ADPRHL1: variants seen among roughly 807,000 people sequenced by gnomAD.
ADPRHL1 encodes the protein ADP-ribosylhydrolase like 1.
A neutral mutation model predicts 44.1 loss-of-function variants in ADPRHL1; 43 were observed. The observed-to-expected ratio is 0.98, with a 90% CI of 0.76 to 1.26. The LOEUF (loss-of-function observed/expected upper bound fraction) is 1.26, where lower values mean the gene tolerates loss of function less well. Ranked by LOEUF, ADPRHL1 falls within the 50% of genes most tolerant of loss-of-function variation. The pLI is 0.00. For missense variants in ADPRHL1, 2,022 were observed against 2,496.9 expected, an observed-to-expected ratio of 0.81 and a Z score of 4.05; for synonymous variants, 878 against 1,017.4, an observed-to-expected ratio of 0.86 and a Z score of 2.61.
chr13:113,428,071 C>T (rs1042833085), intron 4 of ADPRHL1, among the ~76,000 whole-genome samples: 10 of 152,132 alleles, frequency 6.6e-5, no homozygotes, highest in Admixed American at 1.3e-4. Flanking sequence ...GGTGAAACCC[C>T]GTCTCTACTA....
chr13:113,447,027 T>C (rs12019926), intron 1 of ADPRHL1, among the ~76,000 whole-genome samples: 5,320 of 85,126 alleles, frequency 0.062, 2 homozygotes, highest in African/African-American at 0.15. Context: ...GTGTTGTGTG[T>C]GTATGGTGTC....
At position 113,441,043 on chromosome 13, in the gene ADPRHL1, C is replaced by T. The variant is rs1279653013; in HGVS notation, c.379+3382G>A. Among the ~76,000 whole-genome samples the T allele has an allele frequency of 1.3e-5, 2 of 151,974 alleles. No homozygotes were observed. The highest frequency in any genetic ancestry group is 2.9e-5 in the Non-Finnish European group (2 of 67,972). ...TGGTGGGCGCCCGTAGTCCCAGCTA[C>T]TTGGGAGGTGGAGGCAGGAGAATCA... On this transcript the variant is annotated intron_variant, in intron 2 of 7. Coordinates refer to ENST00000612156, the MANE Select transcript of ADPRHL1 (RefSeq NM_001394807.1). This position sits in a 1 kb window ranked among gnomAD's most constrained non-coding sequence, Gnocchi z 6.0.
chr13:113,450,784 G>C (rs1308365180), intron 1 of ADPRHL1, among the ~76,000 whole-genome samples: 1 of 152,208 alleles, frequency 6.6e-6, no homozygotes, highest in South Asian at 2.1e-4. Flanking sequence ...GGCAGAGCCA[G>C]GTGTACAGGA....
rs1595537583 is a variant in ADPRHL1 at position 113,409,746 on chromosome 13, G to A, written c.1062-1526C>T. 19 of 664,518 alleles carry A rather than the reference G, an allele frequency of 2.9e-5. No homozygotes were observed. The East Asian group carries it at 4.1e-4, about 14-fold the overall frequency. The allele number at this position is 664,518 out of a possible 1,614,324, so 41.2% of individuals were successfully genotyped here. On this transcript the variant is annotated intron_variant, in intron 7 of 7. Transcript: ENST00000612156. The surrounding 1 kb of genome is among the most constrained non-coding windows in gnomAD (Gnocchi z 4.2). ...CTAAAGATATAAAAAAAAATCAGCC[G>A]GGCGTGGTGGCGGGCGCCTGTAGTC...
chr13:113,425,232 C>T (rs200726628), intron 4 of ADPRHL1, 53 bp from the exon 5 acceptor site: 4,103 of 126,146 alleles, frequency 0.033, 11 homozygotes, highest in African/African-American at 0.044. Flanking sequence ...TGGAGTGGGG[C>T]GGGTGCAGGG....
At chr13:113,432,674 C>T (rs898895480) in intron 3 of ADPRHL1, among the ~76,000 whole-genome samples, 19 of 152,210 alleles carry the variant, frequency 1.2e-4, no homozygotes, top group African/African-American at 4.6e-4. Flanking sequence ...GTGGGACGGC[C>T]AGGCCGGCAG....
chr13:113,453,260 T>TG lies in ADPRHL1; in HGVS notation c.177dup (p.Ile60HisfsTer19). 6.2e-7 allele frequency: 1 copy of TG among 1,614,098 alleles called. No homozygotes were observed. The highest frequency in any genetic ancestry group is 8.5e-7 in the Non-Finnish European group (1 of 1,180,006). On this transcript the variant is annotated frameshift_variant, in exon 1 of 8. Transcript: ENST00000612156. LOFTEE classifies it high-confidence loss of function. The surrounding 1 kb of genome is among the most constrained non-coding windows in gnomAD (Gnocchi z 5.4). ...GCCTCGGCGGTTGCGATGTGCATGATGGTGTTGTCACTCACGGGCCATTCT... is the reference window on the plus strand; with the variant it reads ...GCCTCGGCGGTTGCGATGTGCATGATGGGTGTTGTCACTCACGGGCCATTCT...
intron 4 of ADPRHL1, 133 bp downstream of exon 4, chr13:113,428,819 C>A (rs2043985623): frequency 1.4e-6 from 2 of 1,397,268 alleles, no homozygotes; most frequent in Non-Finnish European, 1.9e-6. Context: ...CAGCTCTGCT[C>A]ACATGGCCCG....
chr13:113,433,632 C>T lies in ADPRHL1; in HGVS notation c.505+110G>A, dbSNP rs111923132. ...CTCCTTTAAGCAGACGTGCAGATGGCGGCAGCTCCAGGCCCCCGCCCCCCA... is the reference window on the plus strand; with the variant it reads ...CTCCTTTAAGCAGACGTGCAGATGGTGGCAGCTCCAGGCCCCCGCCCCCCA... On this transcript the variant is annotated intron_variant, in intron 3 of 7. Coordinates refer to ENST00000612156, the MANE Select transcript of ADPRHL1 (RefSeq NM_001394807.1). 1.9e-3 allele frequency: 2,823 copies of T among 1,475,536 alleles called. 32 individuals carry two copies. In the African/African-American group the frequency reaches 0.035, roughly 18 times the overall value. The allele number at this position is 1,475,536 out of a possible 1,614,324, so 91.4% of individuals were successfully genotyped here.
rs895683558 is a variant in ADPRHL1, at chr13:113,406,569, G to C, written c.2713C>G (p.Leu905Val). The change falls in exon 8 of 8, where the codon CTT (leucine) becomes GTT (valine). Residue 905 changes from leucine (L) to valine (V), a missense_variant. Physicochemically the swap from Leu to Val is conservative, Grantham distance 32. This residue lies in a region of ADPRHL1 where 1,221 missense variants were observed against 1,517.8 expected (regional missense o/e 0.80). Transcript: ENST00000612156. Reference protein sequence around the residue: ...GHRAPVELSKLSGMQAGLSAS... With the variant: ...GHRAPVELSKVSGMQAGLSAS... ...CTGAGTCCCGCCTGCATCCCTGAAA[G>C]CTTGCTCAGTTCCACTGGGGCTCGG... is the stretch of plus-strand genomic sequence containing the variant. 1 of 1,231,966 alleles carries C rather than the reference G, an allele frequency of 8.1e-7. No homozygotes were observed. The highest frequency in any genetic ancestry group is 1.0e-6 in the Non-Finnish European group (1 of 987,986). 76.3% of individuals were successfully genotyped at this position (1,231,966 alleles called of 1,614,324 possible).
rs559208145 is a variant in ADPRHL1, at chr13:113,428,451, A to G, written c.646+501T>C. Among the ~76,000 whole-genome samples the G allele has an allele frequency of 3.3e-5, 5 of 152,276 alleles. No homozygotes were observed. In the East Asian group the frequency reaches 5.8e-4, roughly 18 times the overall value. ...GCCGCCCCCTCCCCTCTTAGACGGC[A>G]CCTTCCGTGGGGTGGAAGAATCTTC... On this transcript the variant is annotated intron_variant, in intron 4 of 7. Coordinates refer to ENST00000612156, the MANE Select transcript of ADPRHL1 (RefSeq NM_001394807.1).
intron 3 of ADPRHL1, among the ~76,000 whole-genome samples, chr13:113,432,279 T>A (rs543258993): frequency 6.6e-5 from 10 of 152,020 alleles, no homozygotes; most frequent in Non-Finnish European, 1.2e-4. Context: ...CATGCCTGGC[T>A]AATTTTTAAT....
In ADPRHL1 at chr13:113,407,099, C is replaced by A; in HGVS notation, c.2183G>T (p.Gly728Val). The A allele has an allele frequency of 8.1e-7, 1 of 1,232,296 alleles. No homozygotes were observed. Among genetic ancestry groups the A allele is most frequent in the South Asian group, 4.1e-5 (1 of 24,314 alleles). 76.3% of individuals were successfully genotyped at this position (1,232,296 alleles called of 1,614,324 possible). A position where few individuals can be genotyped will look rare whatever the true frequency, so the allele number is the denominator to read the frequency against. ...TCCGGTGCCCCAAGGGCTGGCCGGT[C>A]CCAGTGGGGATGATGCAGGCACAAG... is the stretch of plus-strand genomic sequence containing the variant. The part of the protein sequence containing the change: ...PGLVPASSPL[G>V]PASPWGTGSA... The change falls in exon 8 of 8, where the codon GGA (glycine) becomes GTA (valine). Residue 728 changes from glycine (G) to valine (V), a missense_variant. This residue lies in a region of ADPRHL1 where 1,221 missense variants were observed against 1,517.8 expected (regional missense o/e 0.80). Coordinates refer to ENST00000612156, the MANE Select transcript of ADPRHL1 (RefSeq NM_001394807.1).
chr13:113,421,261 ACGCCCACCCCG>A, intron 7 of ADPRHL1, among the ~76,000 whole-genome samples: 1 of 9,566 alleles, frequency 1.0e-4, no homozygotes, highest in South Asian at 5.8e-3. Context: ...CCCCAGGGAC[ACGCCCACCCCG>A]GGACACCTCT....
Position 113,406,444 on chromosome 13 carries a change from C to G in ADPRHL1, c.2838G>C (p.Gln946His). The change falls in exon 8 of 8, where the codon CAG (glutamine) becomes CAC (histidine). Residue 946 changes from glutamine (Q) to histidine (H), a missense_variant. Gln to His is a conservative substitution (Grantham distance 24). Around this residue, in one of 8 missense-constraint regions of ADPRHL1, gnomAD observed 1,221 missense variants for 1,517.8 expected, o/e 0.80. Coordinates refer to ENST00000612156, the MANE Select transcript of ADPRHL1 (RefSeq NM_001394807.1). ...CGCCAGCAGGATCTGTCTGGAGTCT[C>G]TGTGTCAGAAGTGTCTCTGGGACAC... Reference protein sequence around the residue: ...DHSVPETLLTQRLQTDPAGGK... With the variant: ...DHSVPETLLTHRLQTDPAGGK... The G allele has an allele frequency of 8.1e-7, 1 of 1,232,062 alleles. No homozygotes were observed. Among genetic ancestry groups the G allele is most frequent in the Non-Finnish European group, 1.0e-6 (1 of 987,986 alleles). 76.3% of individuals were successfully genotyped at this position (1,232,062 alleles called of 1,614,324 possible).
At chr13:113,445,596 C>A (rs1224071533) in intron 1 of ADPRHL1, among the ~76,000 whole-genome samples, 1 of 152,190 alleles carries the variant, frequency 6.6e-6, no homozygotes, top group Non-Finnish European at 1.5e-5. Flanking sequence ...TGATGAATTC[C>A]CCACCTTTGG....
chr13:113,447,275 G>A (rs2044147918), intron 1 of ADPRHL1, among the ~76,000 whole-genome samples: 1 of 129,432 alleles, frequency 7.7e-6, no homozygotes, highest in African/African-American at 2.9e-5. Flanking sequence ...TGTGTGCATG[G>A]CGTCTACACG....
At position 113,453,267 on chromosome 13, in the gene ADPRHL1, G is replaced by A. The variant is rs756980244; in HGVS notation, c.171C>T (p.Asp57=). ...CGGTTGCGATGTGCATGATGGTGTTGTCACTCACGGGCCATTCTCCTGGCG... is the reference window on the plus strand; with the variant it reads ...CGGTTGCGATGTGCATGATGGTGTTATCACTCACGGGCCATTCTCCTGGCG... ...VLSPGEWPVS[D]NTIMHIATAE... Residue 57 remains aspartate (D), a synonymous_variant, in exon 1 of 8, where the codon GAC becomes GAT. Transcript: ENST00000612156. The surrounding 1 kb of genome is among the most constrained non-coding windows in gnomAD (Gnocchi z 5.4). 3 of 1,614,178 alleles carry A rather than the reference G, an allele frequency of 1.9e-6. No individual in the cohort carries two copies. The highest frequency in any genetic ancestry group is 1.7e-6 in the Non-Finnish European group (2 of 1,180,042).
chr13:113,408,889 GAGGGA>G (rs2043829486), intron 7 of ADPRHL1, among the ~76,000 whole-genome samples: 1 of 148,766 alleles, frequency 6.7e-6, no homozygotes, highest in Admixed American at 6.7e-5. Context: ...CTGCAGAGAG[GAGGGA>G]AAGATGGGGC....
Sources: gnomAD v4.1 joint callset for allele counts (sites outside exome capture counted in the v4.1 genomes callset) on GRCh38, gnomAD v4.1.1 for gene constraint, gnomAD v4.1.1 regional missense constraint, Gnocchi (gnomAD v3.1) non-coding constraint, MANE v1.5 for transcripts, NCBI Gene and HGNC (gene_info 2026-07-23, HGNC 2026-07-21) for gene names.